TTC27: variants seen among roughly 807,000 people sequenced by gnomAD.
TTC27 encodes the protein tetratricopeptide repeat protein 27.
In TTC27, 79 loss-of-function variants were observed where a neutral mutation model predicts 115.9. The ratio of observed to expected loss-of-function variants is 0.68; its 90% CI spans 0.57 to 0.82. The LOEUF (loss-of-function observed/expected upper bound fraction) is 0.82. TTC27 is among the 40% of genes least tolerant of loss of function. The pLI, the probability that TTC27 is intolerant of heterozygous loss-of-function variation, is 0.00. For synonymous variants in TTC27, 401 were observed against 356.0 expected (o/e 1.13, Z -1.42); for missense variants, 1,054 against 993.1 (o/e 1.06, Z -0.82).
intron 10 of TTC27, among the ~76,000 whole-genome samples, chr2:32,731,699 C>T (rs1040026725): frequency 1.2e-3 from 186 of 152,260 alleles, no homozygotes; most frequent in South Asian, 8.7e-3. Context: ...ATGCATATGG[C>T]TTAATCAGGT....
At chr2:32,815,223 ATTTTTTTTTT>A (rs533493768) in intron 18 of TTC27, among the ~76,000 whole-genome samples, 20 of 55,512 alleles carry the variant, frequency 3.6e-4, no homozygotes, top group Middle Eastern at 0.015. Flanking sequence ...GCTGCTTCAG[ATTTTTTTTTT>A]TTTTTTTTTT....
rs1438467087 is a variant in TTC27, at chr2:32,664,484, G to T, written c.805+17G>T. 6.3e-7 allele frequency: 1 copy of T among 1,585,508 alleles called. No homozygotes were observed. The highest frequency in any genetic ancestry group is 2.2e-5 in the East Asian group (1 of 44,484). ...ATTTGACAGGTAAGACTTATTTTTT[G>T]TGGATAATTGATTTTATTTTTATGA... is the stretch of plus-strand genomic sequence containing the variant. On this transcript the variant is annotated intron_variant, in intron 6 of 19. Coordinates refer to ENST00000317907, the MANE Select transcript of TTC27 (RefSeq NM_017735.5).
At chr2:32,785,222 A>G (rs866118688) in intron 15 of TTC27, among the ~76,000 whole-genome samples, 12 of 152,266 alleles carry the variant, frequency 7.9e-5, no homozygotes, top group Non-Finnish European at 1.5e-5. Flanking sequence ...TTCTTTGTAG[A>G]TTTTAGGAAT....
intron 4 of TTC27, among the ~76,000 whole-genome samples, chr2:32,644,608 G>A (rs1664779572): frequency 6.6e-6 from 1 of 151,306 alleles, no homozygotes; most frequent in African/African-American, 2.4e-5. Flanking sequence ...TTTTTTTTGA[G>A]ATGGGAGACA....
chr2:32,717,310 AC>A (rs1667787159), intron 10 of TTC27, among the ~76,000 whole-genome samples: 1 of 152,052 alleles, frequency 6.6e-6, no homozygotes, highest in Non-Finnish European at 1.5e-5. Flanking sequence ...ACCCAATCTT[AC>A]AGCATTGTAA....
At chr2:32,753,429 C>CTTTTTTTTTTTTTTTTT (rs776515945) in intron 12 of TTC27, among the ~76,000 whole-genome samples, 4 of 72,880 alleles carry the variant, frequency 5.5e-5, no homozygotes, top group Admixed American at 2.2e-4. Context: ...AATCAAATGC[C>CTTTTTTTTTTTTTTTTT]TTTTTTTTTT....
chr2:32,677,944 A>G (rs1666274019), intron 8 of TTC27, among the ~76,000 whole-genome samples: 1 of 152,126 alleles, frequency 6.6e-6, no homozygotes, highest in Non-Finnish European at 1.5e-5. Context: ...GCACATATTG[A>G]ATTTCTTTTT....
At position 32,800,251 on chromosome 2, in the gene TTC27, G is replaced by A. The variant is rs140507408; in HGVS notation, c.1999-10773G>A. Among the ~76,000 whole-genome samples the A allele has an allele frequency of 5.4e-3, 821 of 152,106 alleles. 9 individuals are homozygous for A. The highest frequency in any genetic ancestry group is 0.019 in the African/African-American group (777 of 41,482). On this transcript the variant is annotated intron_variant, in intron 16 of 19. Coordinates refer to ENST00000317907, the MANE Select transcript of TTC27 (RefSeq NM_017735.5). Reference sequence around the variant, plus strand: ...CACCCAGGCTGGAGTGCAATGGCATGATCTCAGCTCACTGCAACCTCCGCC... The same window carrying A: ...CACCCAGGCTGGAGTGCAATGGCATAATCTCAGCTCACTGCAACCTCCGCC...
At chr2:32,683,887 A>G (rs71446081) in intron 9 of TTC27, among the ~76,000 whole-genome samples, 2,510 of 152,014 alleles carry the variant, frequency 0.017, 33 homozygotes, top group Non-Finnish European at 0.027. Flanking sequence ...TGGGTGGGGT[A>G]GCTCATGCCT....
intron 4 of TTC27, among the ~76,000 whole-genome samples, chr2:32,640,655 T>C: frequency 6.6e-6 from 1 of 152,166 alleles, no homozygotes; most frequent in African/African-American, 2.4e-5. Context: ...TAGATATAAA[T>C]GTTCATTTGC....
chr2:32,659,374 T>TTA (rs398042397), intron 5 of TTC27, among the ~76,000 whole-genome samples: 1 of 150,414 alleles, frequency 6.6e-6, no homozygotes, highest in Non-Finnish European at 1.5e-5. Flanking sequence ...TTTTTTTTTT[T>TTA]AAGGATCTCA....
intron 9 of TTC27, among the ~76,000 whole-genome samples, chr2:32,680,259 A>G (rs892685884): frequency 1.3e-5 from 2 of 152,206 alleles, no homozygotes; most frequent in African/African-American, 2.4e-5. Context: ...AAGTGTTAAC[A>G]AATTTTAAAG....
At chr2:32,646,608 G>A (rs978867741) in intron 4 of TTC27, among the ~76,000 whole-genome samples, 1 of 130,488 alleles carries the variant, frequency 7.7e-6, no homozygotes, top group African/African-American at 2.8e-5. Context: ...CTGTCTCCCA[G>A]GCTGGAGTGC....
At chr2:32,728,136 G>C (rs1668171701) in intron 10 of TTC27, among the ~76,000 whole-genome samples, 1 of 150,688 alleles carries the variant, frequency 6.6e-6, no homozygotes, top group Non-Finnish European at 1.5e-5. Context: ...CACCTCCCGG[G>C]TTCACACCAT....
intron 5 of TTC27, among the ~76,000 whole-genome samples, chr2:32,657,950 C>A (rs1210933637): frequency 6.6e-6 from 1 of 152,194 alleles, no homozygotes; most frequent in Non-Finnish European, 1.5e-5. Flanking sequence ...CAGCCTCAGC[C>A]TCCCAAGAAG....
chr2:32,812,481 TG>T (rs1348876608), intron 17 of TTC27, 22 bp from the exon 18 acceptor site: 7 of 1,515,414 alleles, frequency 4.6e-6, no homozygotes, highest in Non-Finnish European at 6.4e-6. Flanking sequence ...TTATTCTGAA[TG>T]TTGTTCTTTC....
intron 9 of TTC27, among the ~76,000 whole-genome samples, chr2:32,686,777 C>A (rs1259507484): frequency 6.6e-6 from 1 of 152,128 alleles, no homozygotes; most frequent in Non-Finnish European, 1.5e-5. Context: ...TGATCAAAGG[C>A]AGAAAGATTC....
chr2:32,664,218 C>G (rs1665674073), intron 5 of TTC27, 85 bp from the exon 6 acceptor site: 1 of 1,184,748 alleles, frequency 8.4e-7, no homozygotes, highest in Admixed American at 2.4e-5. Context: ...GTACTATATA[C>G]TTTATGTATT....
chr2:32,742,406 C>A (rs564268309), intron 12 of TTC27, among the ~76,000 whole-genome samples: 69 of 152,084 alleles, frequency 4.5e-4, no homozygotes, highest in Admixed American at 7.9e-4. Context: ...CATCTTGGAC[C>A]TGGAGTATTT....
Sources: gnomAD v4.1 joint callset for allele counts (sites outside exome capture counted in the v4.1 genomes callset) on GRCh38, gnomAD v4.1.1 for gene constraint, MANE v1.5 for transcripts, NCBI Gene and HGNC (gene_info 2026-07-23, HGNC 2026-07-21) for gene names.